MAPK4: variants seen among roughly 807,000 people sequenced by gnomAD.
MAPK4 encodes the protein mitogen-activated protein kinase 4, also known as Erk3-related.
MAPK4 carries 22 observed loss-of-function variants against 47.7 expected under a neutral mutation model. The observed-to-expected ratio is 0.46, with a 90% CI of 0.33 to 0.66. The LOEUF is 0.66. Among genes scored for constraint, MAPK4 ranks in the 30% least tolerant of loss-of-function variants. The probability of loss-of-function intolerance (pLI) is 0.02; values close to 1 mark genes in which losing one functional copy is unlikely to be tolerated. For synonymous variants in MAPK4, 390 were observed against 365.7 expected (o/e 1.07, Z -0.76); for missense variants, 736 against 831.7 (o/e 0.88, Z 1.42).
intron 1 of MAPK4, among the ~76,000 whole-genome samples, chr18:50,657,719 G>C (rs1187058760): frequency 1.3e-5 from 2 of 151,612 alleles, no homozygotes; most frequent in Non-Finnish European, 2.9e-5. Context: ...GGTGTGACTG[G>C]CATCTAGGAG....
intron 1 of MAPK4, among the ~76,000 whole-genome samples, chr18:50,590,299 A>G (rs913083852): frequency 1.5e-4 from 23 of 152,230 alleles, no homozygotes; most frequent in African/African-American, 4.6e-4. Flanking sequence ...TTAACGGTGT[A>G]AAAACATACT....
chr18:50,614,020 T>A (rs1476430199), intron 1 of MAPK4, among the ~76,000 whole-genome samples: 5 of 152,210 alleles, frequency 3.3e-5, no homozygotes, highest in Non-Finnish European at 7.3e-5. Context: ...ATCTTTATAG[T>A]GACATGTGGA....
intron 1 of MAPK4, among the ~76,000 whole-genome samples, chr18:50,659,334 T>G (rs1004548962): frequency 6.6e-6 from 1 of 152,146 alleles, no homozygotes. Flanking sequence ...GGGCTTCCTG[T>G]AAGTTTCAGA....
intron 3 of MAPK4, among the ~76,000 whole-genome samples, chr18:50,719,118 G>T (rs1037685273): frequency 2.7e-5 from 4 of 150,850 alleles, no homozygotes; most frequent in African/African-American, 9.8e-5. Context: ...TAAAAACAAT[G>T]GCAGGAAAGT....
At chr18:50,589,098 A>C (rs565955351) in intron 1 of MAPK4, among the ~76,000 whole-genome samples, 1 of 152,274 alleles carries the variant, frequency 6.6e-6, no homozygotes, top group Admixed American at 6.5e-5. Flanking sequence ...CAAGGTGAAA[A>C]TATGGTTGAG....
chr18:50,664,847 T>C lies in MAPK4; in HGVS notation c.546+343T>C, dbSNP rs1907508199. Among the ~76,000 whole-genome samples, 3 of 152,316 alleles carry C rather than the reference T, an allele frequency of 2.0e-5. No homozygotes were observed. The highest frequency in any genetic ancestry group is 7.2e-5 in the African/African-American group (3 of 41,578). ...CTCTAGCATCTTCTTATCCCTGCTG[T>C]CCACTTAGCCATCCCATGTCCTTCC... On this transcript the variant is annotated intron_variant, in intron 2 of 5. Transcript: ENST00000400384. This position sits in a 1 kb window ranked among gnomAD's most constrained non-coding sequence, Gnocchi z 6.0.
At chr18:50,692,803 T>C (rs1310422020) in intron 2 of MAPK4, among the ~76,000 whole-genome samples, 1 of 152,108 alleles carries the variant, frequency 6.6e-6, no homozygotes, top group Non-Finnish European at 1.5e-5. Flanking sequence ...CGTGTCCTTT[T>C]ACAGGATCCC....
chr18:50,673,578 G>A (rs200312782), intron 2 of MAPK4, among the ~76,000 whole-genome samples: 16 of 152,282 alleles, frequency 1.1e-4, no homozygotes, highest in East Asian at 7.7e-4. Flanking sequence ...TGAATTGGCC[G>A]TCGCGGTGGC....
At chr18:50,597,415 T>C (rs1322462146) in intron 1 of MAPK4, among the ~76,000 whole-genome samples, 1 of 152,230 alleles carries the variant, frequency 6.6e-6, no homozygotes, top group Non-Finnish European at 1.5e-5. Context: ...GTCCTGCTCA[T>C]CTTGTTTCTA....
chr18:50,702,094 G>A (rs561437924), intron 2 of MAPK4, among the ~76,000 whole-genome samples: 7 of 149,604 alleles, frequency 4.7e-5, no homozygotes, highest in Admixed American at 2.7e-4. Flanking sequence ...CCCAGGAGGC[G>A]GAGGTTGCAG....
intron 1 of MAPK4, among the ~76,000 whole-genome samples, chr18:50,619,359 G>A (rs141391817): frequency 2.2e-4 from 33 of 152,258 alleles, no homozygotes; most frequent in African/African-American, 7.5e-4. Flanking sequence ...TTGTTCCCCA[G>A]CCTGCAGTGT....
intron 2 of MAPK4, among the ~76,000 whole-genome samples, chr18:50,702,161 CAAAAAA>C (rs36001271): frequency 4.0e-4 from 38 of 95,922 alleles, no homozygotes; most frequent in African/African-American, 8.1e-4. Context: ...GATTCTGTCT[CAAAAAA>C]AAAAAAAAAA....
intron 1 of MAPK4, among the ~76,000 whole-genome samples, chr18:50,600,440 A>G (rs774939846): frequency 2.0e-5 from 3 of 152,168 alleles, no homozygotes; most frequent in South Asian, 2.1e-4. Context: ...CAAACAGCCC[A>G]TGTAAGGAGC....
chr18:50,569,504 C>A (rs1218950593), intron 1 of MAPK4, among the ~76,000 whole-genome samples: 1 of 152,154 alleles, frequency 6.6e-6, no homozygotes, highest in Non-Finnish European at 1.5e-5. Flanking sequence ...TGACATGAAG[C>A]CAGACTAGTT....
chr18:50,681,040 A>G (rs1434503102), intron 2 of MAPK4, among the ~76,000 whole-genome samples: 1 of 152,130 alleles, frequency 6.6e-6, no homozygotes, highest in Non-Finnish European at 1.5e-5. Flanking sequence ...CTAGCAATGT[A>G]TAAGGATTCA....
At chr18:50,586,118 A>G (rs1040883335) in intron 1 of MAPK4, among the ~76,000 whole-genome samples, 3 of 152,230 alleles carry the variant, frequency 2.0e-5, no homozygotes, top group Non-Finnish European at 2.9e-5. Context: ...GACATCTTAT[A>G]TCCATTCATA....
chr18:50,658,300 C>A (rs749414004), intron 1 of MAPK4, among the ~76,000 whole-genome samples: 2 of 152,248 alleles, frequency 1.3e-5, no homozygotes, highest in East Asian at 3.9e-4. Flanking sequence ...CCTGAAAACT[C>A]ACACTGAGCC....
intron 4 of MAPK4, among the ~76,000 whole-genome samples, chr18:50,724,480 C>T (rs1385438252): frequency 2.0e-5 from 3 of 152,248 alleles, no homozygotes; most frequent in Admixed American, 2.0e-4. Flanking sequence ...GAGAGAAAAA[C>T]CTGCCCAGAC....
chr18:50,686,647 T>C (rs116680999), intron 2 of MAPK4, among the ~76,000 whole-genome samples: 1,551 of 152,340 alleles, frequency 0.01, 30 homozygotes, highest in African/African-American at 0.035. Flanking sequence ...TCGAGATTTT[T>C]CTCCATCCAA....
Sources: gnomAD v4.1 joint callset for allele counts (sites outside exome capture counted in the v4.1 genomes callset) on GRCh38, gnomAD v4.1.1 for gene constraint, Gnocchi (gnomAD v3.1) non-coding constraint, MANE v1.5 for transcripts, NCBI Gene and HGNC (gene_info 2026-07-23, HGNC 2026-07-21) for gene names.